FANCM: variants seen among roughly 807,000 people sequenced by gnomAD.
FANCM encodes Fanconi anemia group M protein.
FANCM carries 140 observed loss-of-function variants against 199.5 expected under a neutral mutation model. That is an observed-to-expected ratio of 0.70 (90% CI 0.61 to 0.81). The LOEUF (loss-of-function observed/expected upper bound fraction) is 0.81, where lower values mean the gene tolerates loss of function less well. FANCM is among the 30% of genes least tolerant of loss of function. The probability of loss-of-function intolerance (pLI) is 0.00; values close to 1 mark genes in which losing one functional copy is unlikely to be tolerated. For synonymous variants in FANCM, 840 were observed against 836.8 expected, an observed-to-expected ratio of 1.00 and a Z score of -0.07; for missense variants, 2,410 against 2,421.4, an observed-to-expected ratio of 1.00 and a Z score of 0.10.
chr14:45,151,635 A>G (rs1455075647), intron 5 of FANCM, 107 bp downstream of exon 5: 34 of 1,047,014 alleles, frequency 3.2e-5, no homozygotes, highest in Non-Finnish European at 4.7e-5. Context: ...TCAATAATTG[A>G]AAAATGAGGC....
Position 45,173,058 on chromosome 14 carries a change from C to T in FANCM, c.2164C>T (p.Gln722Ter). The T allele has an allele frequency of 1.2e-6, 2 of 1,605,222 alleles. No individual in the cohort carries two copies. The highest frequency in any genetic ancestry group is 1.7e-6 in the Non-Finnish European group (2 of 1,172,144). The change falls in exon 13 of 23, where the codon CAA becomes TAA. Residue 722 changes from glutamine to a stop codon, truncating the protein, a stop_gained. Coordinates refer to ENST00000267430, the MANE Select transcript of FANCM (RefSeq NM_020937.4). LOFTEE classifies it high-confidence loss of function. The stretch of plus-strand genomic sequence containing the variant: ...TATTACTTTTTAAATAATTAAGGCT[C>T]AAGAATCAACCACTGGAATTCATCA... ...SLQNEENKPA[Q>*]ESTTGIHQLS...
chr14:45,136,870 TG>T (rs1885554874), intron 1 of FANCM, among the ~76,000 whole-genome samples, 198 bp from the exon 2 acceptor site: 1 of 152,240 alleles, frequency 6.6e-6, no homozygotes, highest in Non-Finnish European at 1.5e-5. Flanking sequence ...AAAGACAATT[TG>T]GTTGTAGTCC....
At chr14:45,183,102 C>A (rs534423091) in intron 16 of FANCM, among the ~76,000 whole-genome samples, 5 of 152,134 alleles carry the variant, frequency 3.3e-5, no homozygotes, top group African/African-American at 1.2e-4. Context: ...ACAGCCAGTC[C>A]GTATTAACAT....
chr14:45,175,585 C>CAATATTCAATTATATTATTACAT lies in FANCM; in HGVS notation c.2831_2832insAATATTCAATTATATTATTACAT (p.Gly945IlefsTer46), dbSNP rs1888623566. On this transcript the variant is annotated frameshift_variant, in exon 14 of 23. Coordinates refer to ENST00000267430, the MANE Select transcript of FANCM (RefSeq NM_020937.4). LOFTEE classifies it high-confidence loss of function. Reference sequence around the variant, plus strand: ...TCACTTGCTGGAAATGTTTTAGATTCTGGTTATAACAGTTTCAATGATGAA... The same window carrying CAATATTCAATTATATTATTACAT: ...TCACTTGCTGGAAATGTTTTAGATTCAATATTCAATTATATTATTACATTGGTTATAACAGTTTCAATGATGAA... 4.3e-6 allele frequency: 7 copies of CAATATTCAATTATATTATTACAT among 1,613,374 alleles called. No homozygotes were observed. The highest frequency in any genetic ancestry group is 5.9e-6 in the Non-Finnish European group (7 of 1,179,678).
intron 9 of FANCM, among the ~76,000 whole-genome samples, chr14:45,161,382 C>G (rs985215980): frequency 6.6e-6 from 1 of 151,962 alleles, no homozygotes; most frequent in East Asian, 1.9e-4. Context: ...CCTTTAGGGC[C>G]CTATATGTCA....
In FANCM at chr14:45,176,642, C is replaced by A. The variant is rs764040527; in HGVS notation, c.3888C>A (p.Ile1296=). ...ATTTTACTAGTGGAACTGTTATTAT[C>A]CCATCAAATGAAGATATGCAGAATC... The part of the protein sequence containing the change: ...SKNFTSGTVI[I]PSNEDMQNPN... Residue 1296 remains isoleucine (I), a synonymous_variant, in exon 14 of 23, where the codon ATC becomes ATA. Transcript: ENST00000267430. 7 of 1,613,336 alleles carry A rather than the reference C, an allele frequency of 4.3e-6. No individual in the cohort carries two copies. Among genetic ancestry groups the A allele is most frequent in the African/African-American group, 4.0e-5 (3 of 74,884 alleles).
chr14:45,171,797 C>T (rs941637278), intron 12 of FANCM, among the ~76,000 whole-genome samples: 1 of 151,342 alleles, frequency 6.6e-6, no homozygotes, highest in African/African-American at 2.4e-5. Flanking sequence ...TTTGCAGTTG[C>T]GAATTTTGCT....
In FANCM at chr14:45,159,120, G is replaced by A. The variant is rs532369576; in HGVS notation, c.1421G>A (p.Arg474His). The change falls in exon 9 of 23, where the codon CGT becomes CAT. Residue 474 changes from arginine to histidine, a missense_variant. Arg to His is a conservative substitution (Grantham distance 29, BLOSUM62 0). Transcript: ENST00000267430. ...GCTGAAAACACTACTGAAAAGAAAC[G>A]TGATGAGACCCGAGTTATGATCTTC... ...WNAENTTEKK[R>H]DETRVMIFSS... 10 of 1,609,736 alleles carry A rather than the reference G, an allele frequency of 6.2e-6. No individual in the cohort carries two copies. The highest frequency in any genetic ancestry group is 3.3e-5 in the Admixed American group (2 of 59,898).
intron 7 of FANCM, 90 bp from the exon 8 acceptor site, chr14:45,155,283 T>C: frequency 1.6e-6 from 1 of 624,282 alleles, no homozygotes. Flanking sequence ...ATCCAACATA[T>C]GCATTGGAAA....
chr14:45,154,891 C>A (rs2139172124), intron 7 of FANCM, 69 bp downstream of exon 7: 3 of 1,280,516 alleles, frequency 2.3e-6, no homozygotes, highest in South Asian at 1.3e-5. Flanking sequence ...TGAAATTTTG[C>A]TCCTTTGATG....
At chr14:45,162,231 C>T (rs1566746193) in intron 9 of FANCM, among the ~76,000 whole-genome samples, 1 of 152,128 alleles carries the variant, frequency 6.6e-6, no homozygotes, top group Non-Finnish European at 1.5e-5. Flanking sequence ...ACTGAAAATA[C>T]AAAAATTAGC....
chr14:45,151,610 G>T (rs2139160932), intron 5 of FANCM, 82 bp downstream of exon 5: 2 of 1,258,464 alleles, frequency 1.6e-6, no homozygotes, highest in Non-Finnish European at 1.2e-6. Context: ...GATATTTTGG[G>T]TACCTATTAG....
intron 7 of FANCM, among the ~76,000 whole-genome samples, 155 bp from the exon 8 acceptor site, chr14:45,155,218 T>G (rs1019366017): frequency 6.6e-6 from 1 of 152,110 alleles, no homozygotes; most frequent in Non-Finnish European, 1.5e-5. Context: ...ACAGTAAGAC[T>G]TACGTGCTAC....
At position 45,175,632 on chromosome 14, in the gene FANCM, T is replaced by C. The variant is rs761671822; in HGVS notation, c.2878T>C (p.Phe960Leu). The C allele has an allele frequency of 6.8e-6, 11 of 1,613,230 alleles. No homozygotes were observed. In the African/African-American group the frequency reaches 9.3e-5, roughly 14 times the overall value. Residue 960 changes from phenylalanine to leucine, a missense_variant, in exon 14 of 23, where the codon TTT (phenylalanine) becomes CTT (leucine). Coordinates refer to ENST00000267430, the MANE Select transcript of FANCM (RefSeq NM_020937.4). ...TGAAAAATCTGTTTCATCTAACTTATTTCTTCCATTCGAAGAAGAGCTTTA... is the reference window on the plus strand; with the variant it reads ...TGAAAAATCTGTTTCATCTAACTTACTTCTTCCATTCGAAGAAGAGCTTTA... ...NDEKSVSSNL[F>L]LPFEEELYIV...
chr14:45,143,965 T>C (rs1168586305), intron 3 of FANCM, among the ~76,000 whole-genome samples: 1 of 152,152 alleles, frequency 6.6e-6, no homozygotes, highest in Non-Finnish European at 1.5e-5. Context: ...GTGCTGGGAT[T>C]ACAGGCGTGA....
intron 2 of FANCM, chr14:45,137,455 C>A (rs567756579): frequency 1.8e-6 from 1 of 560,758 alleles, no homozygotes; most frequent in African/African-American, 1.9e-5. Context: ...TTGTTGTTTT[C>A]TTTTTCTTTT....
chr14:45,185,410 GTT>G, intron 18 of FANCM, 37 bp downstream of exon 18: 1 of 1,203,802 alleles, frequency 8.3e-7, no homozygotes, highest in Non-Finnish European at 1.2e-6. Flanking sequence ...TTTTTTCAAT[GTT>G]TTTATGTGCT....
intron 2 of FANCM, 131 bp downstream of exon 2, chr14:45,137,372 C>G: frequency 7.0e-6 from 5 of 715,004 alleles, no homozygotes; most frequent in Non-Finnish European, 1.2e-5. Context: ...TATCTCAGAA[C>G]AGATGGTGAT....
intron 6 of FANCM, among the ~76,000 whole-genome samples, chr14:45,154,330 G>C (rs1469292266): frequency 6.6e-6 from 1 of 151,438 alleles, no homozygotes; most frequent in African/African-American, 2.4e-5. Context: ...GAACCCGAGA[G>C]GCAGAGGTTG....
Sources: gnomAD v4.1 joint callset for allele counts (sites outside exome capture counted in the v4.1 genomes callset) on GRCh38, gnomAD v4.1.1 for gene constraint, MANE v1.5 for transcripts, NCBI Gene and HGNC (gene_info 2026-07-23, HGNC 2026-07-21) for gene names.